The following SPEF2 variants were observed in gnomAD, a reference collection of about 807,000 sequenced individuals.
SPEF2 encodes the protein sperm flagellar and cilia associated 2.
In SPEF2, 187 loss-of-function variants were observed where a neutral mutation model predicts 224.6. The observed-to-expected ratio is 0.83, with a 90% CI of 0.74 to 0.94. SPEF2 has a LOEUF of 0.94. SPEF2 is among the 40% of genes least tolerant of loss of function. SPEF2 has a pLI of 0.00. For missense variants in SPEF2, 2,170 were observed against 2,135.6 expected (o/e 1.02, Z -0.32); for synonymous variants, 715 against 707.3 (o/e 1.01, Z -0.17).
Position 35,697,786 on chromosome 5 carries a change from G to C in SPEF2, c.2134G>C (p.Ala712Pro). ...GCTGCTTGTTGACATCATAGTAAAT[G>C]CTATTAAGTATGTATTGCATTTTTC... ...DVLLVDIIVN[A>P]INEIPVNQDC... Residue 712 changes from alanine to proline, a missense_variant, in exon 15 of 37, where the codon GCT becomes CCT. Physicochemically the swap from Ala to Pro is conservative, Grantham distance 27 (BLOSUM62 -1). Coordinates refer to ENST00000356031, the MANE Select transcript of SPEF2 (RefSeq NM_024867.4). 1 of 1,608,290 alleles carries C rather than the reference G, an allele frequency of 6.2e-7. No homozygotes were observed. The highest frequency in any genetic ancestry group is 8.5e-7 in the Non-Finnish European group (1 of 1,175,822).
intron 10 of SPEF2, chr5:35,675,676 C>T (rs374333062): frequency 3.9e-6 from 1 of 258,404 alleles, no homozygotes; most frequent in Non-Finnish European, 8.0e-6. Flanking sequence ...CCCGCCACCA[C>T]ACCCGGCTAA....
chr5:35,723,611 T>G (rs895257293), intron 20 of SPEF2, among the ~76,000 whole-genome samples: 4 of 152,290 alleles, frequency 2.6e-5, no homozygotes, highest in Middle Eastern at 3.4e-3. Flanking sequence ...AAAACATGTT[T>G]ATAATAATGC....
intron 2 of SPEF2, among the ~76,000 whole-genome samples, chr5:35,632,436 A>G (rs1186606856): frequency 6.6e-6 from 1 of 152,122 alleles, no homozygotes; most frequent in Non-Finnish European, 1.5e-5. Flanking sequence ...CAAGACCAAC[A>G]TGGGGGAAGC....
chr5:35,712,928 A>C, intron 20 of SPEF2, 42 bp downstream of exon 20: 1 of 1,534,070 alleles, frequency 6.5e-7, no homozygotes, highest in East Asian at 2.3e-5. Flanking sequence ...GTAATTCTGC[A>C]TTTTATAACT....
chr5:35,762,527 C>A (rs748758641), intron 25 of SPEF2, among the ~76,000 whole-genome samples: 3 of 152,134 alleles, frequency 2.0e-5, no homozygotes, highest in Non-Finnish European at 1.5e-5. Context: ...GCCTATGATA[C>A]TGTACCAGTG....
chr5:35,802,252 A>G (rs1580791663), intron 34 of SPEF2, among the ~76,000 whole-genome samples: 1 of 152,222 alleles, frequency 6.6e-6, no homozygotes, highest in African/African-American at 2.4e-5. Context: ...GCCTACAACA[A>G]TGCCACATCT....
At chr5:35,752,894 CTA>C (rs1163193908) in intron 23 of SPEF2, among the ~76,000 whole-genome samples, 5 of 150,604 alleles carry the variant, frequency 3.3e-5, no homozygotes, top group Non-Finnish European at 5.9e-5. Flanking sequence ...TGAAAGGACT[CTA>C]TGTGATAACT....
chr5:35,785,184 C>T (rs1302690007), intron 30 of SPEF2, among the ~76,000 whole-genome samples: 1 of 152,190 alleles, frequency 6.6e-6, no homozygotes, highest in African/African-American at 2.4e-5. Context: ...ATAGGGATTA[C>T]AGCAAAGAGG....
intron 30 of SPEF2, chr5:35,790,200 A>G: frequency 1.4e-6 from 1 of 696,372 alleles, no homozygotes; most frequent in Non-Finnish European, 2.6e-6. Flanking sequence ...TGCAAAAATC[A>G]AGGCTGAAAG....
At position 35,667,087 on chromosome 5, in the gene SPEF2, G is replaced by T; in HGVS notation, c.1183G>T (p.Ala395Ser). The T allele has an allele frequency of 6.2e-7, 1 of 1,605,664 alleles. No homozygotes were observed. The highest frequency in any genetic ancestry group is 8.5e-7 in the Non-Finnish European group (1 of 1,177,696). ...GCCTTTTTAGGCTTTGGCAAAACAAGCCAAGATTGACTTTGAAGAACAATT... is the reference window on the plus strand; with the variant it reads ...GCCTTTTTAGGCTTTGGCAAAACAATCCAAGATTGACTTTGAAGAACAATT... ...LDREAALAKQ[A>S]KIDFEEQFLK... The change falls in exon 9 of 37, where the codon GCC becomes TCC. Residue 395 changes from alanine (A) to serine (S), a missense_variant. Coordinates refer to ENST00000356031, the MANE Select transcript of SPEF2 (RefSeq NM_024867.4).
At chr5:35,805,172 T>C (rs1274378139) in intron 34 of SPEF2, among the ~76,000 whole-genome samples, 1 of 152,192 alleles carries the variant, frequency 6.6e-6, no homozygotes, top group Non-Finnish European at 1.5e-5. Context: ...TCCAAAATCT[T>C]CACCTGTTAG....
At chr5:35,789,051 C>T (rs867658591) in intron 30 of SPEF2, 9 of 682,286 alleles carry the variant, frequency 1.3e-5, no homozygotes, top group South Asian at 1.6e-5. Context: ...TTTGAAATAT[C>T]GTATTATTTT....
chr5:35,618,959 T>G (rs1306469058), intron 1 of SPEF2, among the ~76,000 whole-genome samples: 1 of 152,202 alleles, frequency 6.6e-6, no homozygotes, highest in African/African-American at 2.4e-5. Context: ...AACACCAGCT[T>G]GCTACCAGAG....
At chr5:35,735,861 A>C (rs1746506828) in intron 21 of SPEF2, among the ~76,000 whole-genome samples, 1 of 152,224 alleles carries the variant, frequency 6.6e-6, no homozygotes, top group African/African-American at 2.4e-5. Context: ...ACTCATCATC[A>C]CACTGATATG....
intron 17 of SPEF2, 132 bp downstream of exon 17, chr5:35,704,794 AAGT>A: frequency 1.6e-6 from 1 of 626,954 alleles, no homozygotes; most frequent in South Asian, 1.9e-5. Flanking sequence ...AAAGAAGACT[AAGT>A]AGTTTTGACA....
intron 8 of SPEF2, among the ~76,000 whole-genome samples, chr5:35,664,719 GGAGGGAGAGAGAGGGA>G (rs1245511872): frequency 1.0e-4 from 14 of 137,294 alleles, no homozygotes; most frequent in African/African-American, 3.7e-4. Context: ...AGAGAGAGAG[GGAGGGAGAGAGAGGGA>G]GAGGGAGAGA....
chr5:35,628,881 C>G (rs770167887), intron 2 of SPEF2, among the ~76,000 whole-genome samples: 1 of 152,008 alleles, frequency 6.6e-6, no homozygotes, highest in Non-Finnish European at 1.5e-5. Flanking sequence ...TGTGCACCCC[C>G]GCTTCTGGAC....
At chr5:35,776,462 T>G in intron 29 of SPEF2, 67 bp downstream of exon 29, 3 of 1,513,754 alleles carry the variant, frequency 2.0e-6, no homozygotes, top group Non-Finnish European at 2.7e-6. Flanking sequence ...TGATGAAGAT[T>G]TTTAAGGTAT....
intron 10 of SPEF2, 148 bp from the exon 11 acceptor site, chr5:35,690,889 A>G: frequency 1.8e-6 from 1 of 566,066 alleles, no homozygotes; most frequent in Non-Finnish European, 2.9e-6. Flanking sequence ...AACTATTATT[A>G]ATGTTATTAC....
Sources: gnomAD v4.1 joint callset for allele counts (sites outside exome capture counted in the v4.1 genomes callset) on GRCh38, gnomAD v4.1.1 for gene constraint, MANE v1.5 for transcripts, NCBI Gene and HGNC (gene_info 2026-07-23, HGNC 2026-07-21) for gene names.